The following UNC13C variants were observed in gnomAD, a reference collection of about 807,000 sequenced individuals.
UNC13C encodes the protein unc-13 homolog C.
A neutral mutation model predicts 245.4 loss-of-function variants in UNC13C; 174 were observed. That is an observed-to-expected ratio of 0.71 (90% confidence interval 0.63 to 0.80). The LOEUF (loss-of-function observed/expected upper bound fraction) is 0.80. Among genes scored for constraint, UNC13C ranks in the 30% least tolerant of loss-of-function variants. UNC13C has a pLI of 0.00. For synonymous variants in UNC13C, 992 were observed against 895.1 expected, an observed-to-expected ratio of 1.11 and a Z score of -1.93; for missense variants, 2,829 against 2,602.9, an observed-to-expected ratio of 1.09 and a Z score of -1.89.
intron 2 of UNC13C, among the ~76,000 whole-genome samples, chr15:54,120,138 C>A (rs1193536872): frequency 1.3e-5 from 2 of 152,148 alleles, no homozygotes; most frequent in African/African-American, 4.8e-5. Context: ...AAACAGCCTT[C>A]TATTGGACGA....
the UNC13C span, among the ~76,000 whole-genome samples, chr15:53,936,089 C>T: frequency 6.6e-6 from 1 of 152,184 alleles, no homozygotes; most frequent in Non-Finnish European, 1.5e-5. Context: ...CTTGGAATTC[C>T]AGCTGTTTAG....
At chr15:54,298,960 G>T (rs527557636) in intron 12 of UNC13C, among the ~76,000 whole-genome samples, 2 of 152,226 alleles carry the variant, frequency 1.3e-5, no homozygotes, top group South Asian at 4.1e-4. Flanking sequence ...AGAAAGAAAT[G>T]AGGAACCGTG....
chr15:54,113,128 A>G (rs1339788017), intron 2 of UNC13C, among the ~76,000 whole-genome samples: 1 of 152,038 alleles, frequency 6.6e-6, no homozygotes, highest in Non-Finnish European at 1.5e-5. Context: ...CCCAACCTAC[A>G]TCTTACCCCT....
chr15:53,898,457 T>G, the UNC13C span, among the ~76,000 whole-genome samples: 1 of 151,950 alleles, frequency 6.6e-6, no homozygotes, highest in African/African-American at 2.4e-5. Context: ...CACACTTTTT[T>G]TTCTCCTAAT....
chr15:54,229,004 T>A (rs1567117228), intron 4 of UNC13C, among the ~76,000 whole-genome samples: 1 of 152,192 alleles, frequency 6.6e-6, no homozygotes, highest in Non-Finnish European at 1.5e-5. Context: ...GTGAGGCTTG[T>A]CAGAACTCAG....
the UNC13C span, among the ~76,000 whole-genome samples, chr15:53,840,455 A>C: frequency 0.018 from 2,765 of 152,164 alleles, 51 homozygotes; most frequent in East Asian, 0.078. Flanking sequence ...GCAAAACTAG[A>C]GTCATAATAG....
intron 2 of UNC13C, among the ~76,000 whole-genome samples, chr15:54,072,319 C>T (rs1456214132): frequency 6.6e-6 from 1 of 152,110 alleles, no homozygotes. Flanking sequence ...ATTTTCACAC[C>T]ATGGGGATTT....
At chr15:54,088,395 G>A (rs970808246) in intron 2 of UNC13C, among the ~76,000 whole-genome samples, 2 of 151,934 alleles carry the variant, frequency 1.3e-5, no homozygotes, top group African/African-American at 4.8e-5. Context: ...ATGCTATTTG[G>A]ACCATGAAGG....
intron 26 of UNC13C, 103 bp downstream of exon 26, chr15:54,533,169 G>A (rs1196509056): frequency 1.2e-6 from 1 of 828,678 alleles, no homozygotes; most frequent in African/African-American, 1.8e-5. Flanking sequence ...AGCATTAAAA[G>A]TCTTTCTATA....
chr15:54,461,715 CT>C (rs1891856139), intron 19 of UNC13C, among the ~76,000 whole-genome samples: 1 of 152,074 alleles, frequency 6.6e-6, no homozygotes, highest in Non-Finnish European at 1.5e-5. Context: ...ACTGGCTACT[CT>C]TAGATAATAG....
intron 26 of UNC13C, among the ~76,000 whole-genome samples, chr15:54,535,783 C>T (rs909323226): frequency 6.6e-6 from 1 of 152,030 alleles, no homozygotes; most frequent in Non-Finnish European, 1.5e-5. Context: ...ATCAAGTAAT[C>T]CTTTGAAAAT....
chr15:54,558,865 G>A (rs764402363), intron 29 of UNC13C, among the ~76,000 whole-genome samples: 109 of 152,014 alleles, frequency 7.2e-4, no homozygotes, highest in Non-Finnish European at 2.1e-4. Context: ...GGCCAATAGG[G>A]AAACTTTAAA....
chr15:53,938,533 C>T, the UNC13C span, among the ~76,000 whole-genome samples: 2 of 152,272 alleles, frequency 1.3e-5, no homozygotes, highest in African/African-American at 4.8e-5. Flanking sequence ...CAGAGCTGTC[C>T]ACCCCCAAAC....
chr15:54,466,608 T>A (rs888912199), intron 19 of UNC13C, among the ~76,000 whole-genome samples: 3 of 151,816 alleles, frequency 2.0e-5, no homozygotes, highest in Non-Finnish European at 4.4e-5. Flanking sequence ...ATGTTGCATC[T>A]TTAAGACAAA....
In UNC13C at chr15:54,532,873, A is replaced by C. The variant is rs991801250; in HGVS notation, c.5547-44A>C. On this transcript the variant is annotated intron_variant, in intron 25 of 32. Coordinates refer to ENST00000260323, the MANE Select transcript of UNC13C (RefSeq NM_001080534.3). ...GGGTGAAATTGGAACAGGCTCAGGC[A>C]AAATGTATTCTTATATTTTAGAATT... 2.7e-5 allele frequency: 37 copies of C among 1,347,248 alleles called. No homozygotes were observed. In the African/African-American group the frequency reaches 5.2e-4, roughly 19 times the overall value. 83.5% of individuals were successfully genotyped at this position (1,347,248 alleles called of 1,614,324 possible). A position where few individuals can be genotyped will look rare whatever the true frequency, so the allele number is the denominator to read the frequency against.
At chr15:53,906,451 A>G in the UNC13C span, among the ~76,000 whole-genome samples, 1 of 152,204 alleles carries the variant, frequency 6.6e-6, no homozygotes. Flanking sequence ...CCACTTTAAC[A>G]ATATGTGCAT....
chr15:54,482,094 G>A (rs924892539), intron 19 of UNC13C, among the ~76,000 whole-genome samples: 1 of 152,110 alleles, frequency 6.6e-6, no homozygotes, highest in Non-Finnish European at 1.5e-5. Flanking sequence ...CCTCTCTGGT[G>A]TGCTTTACCA....
chr15:54,585,828 A>T (rs1490760115), intron 30 of UNC13C, among the ~76,000 whole-genome samples: 2 of 152,234 alleles, frequency 1.3e-5, no homozygotes, highest in Non-Finnish European at 2.9e-5. Context: ...CTCAAGGTAA[A>T]CAATAACTTG....
intron 28 of UNC13C, 59 bp downstream of exon 28, chr15:54,549,750 C>A: frequency 9.4e-7 from 1 of 1,058,782 alleles, no homozygotes; most frequent in Non-Finnish European, 1.4e-6. Flanking sequence ...TACAGTTCTG[C>A]AAGCATCCTC....
Sources: allele counts gnomAD v4.1 joint callset (sites outside exome capture counted in the v4.1 genomes callset), GRCh38; gene constraint gnomAD v4.1.1; transcripts MANE v1.5; gene names NCBI Gene and HGNC (gene_info 2026-07-23, HGNC 2026-07-21).